Variants in ICE1 observed in about 807,000 individuals in gnomAD.
The protein encoded by ICE1 is little elongation complex subunit 1.
ICE1 carries 64 observed loss-of-function variants against 192.7 expected under a neutral mutation model. That is an observed-to-expected ratio of 0.33 (90% confidence interval 0.27 to 0.41). ICE1 has a LOEUF of 0.41. ICE1 is among the 10% of genes least tolerant of loss of function. The probability of loss-of-function intolerance (pLI) is 1.00; values close to 1 mark genes in which losing one functional copy is unlikely to be tolerated. For synonymous variants in ICE1, 1,010 were observed against 984.5 expected (o/e 1.03, Z -0.49); for missense variants, 2,708 against 2,696.0 (o/e 1.00, Z -0.10).
At chr5:5,441,839 T>C (rs1487471574) in intron 5 of ICE1, among the ~76,000 whole-genome samples, 2 of 152,256 alleles carry the variant, frequency 1.3e-5, no homozygotes, top group East Asian at 3.8e-4. Flanking sequence ...ATTTCTTTTT[T>C]TGGCAGTCAT....
chr5:5,481,891 A>G (rs1011615292), intron 17 of ICE1, among the ~76,000 whole-genome samples: 11 of 152,316 alleles, frequency 7.2e-5, no homozygotes, highest in African/African-American at 2.6e-4. Context: ...CTAGGTGTGT[A>G]GTGGCTACTG....
chr5:5,478,125 G>A (rs972440529), intron 17 of ICE1, among the ~76,000 whole-genome samples: 3 of 152,218 alleles, frequency 2.0e-5, no homozygotes, highest in African/African-American at 7.2e-5. Flanking sequence ...TTCTGGCCAG[G>A]CCAATCAGGC....
chr5:5,423,819 G>T (rs1008302250), intron 1 of ICE1, among the ~76,000 whole-genome samples: 1 of 152,156 alleles, frequency 6.6e-6, no homozygotes, highest in Admixed American at 6.5e-5. Context: ...ACTCTGCCTA[G>T]TGTTCTAGGA....
intron 1 of ICE1, among the ~76,000 whole-genome samples, chr5:5,432,531 C>T (rs903758832): frequency 4.6e-5 from 7 of 152,048 alleles, no homozygotes; most frequent in African/African-American, 1.4e-4. Flanking sequence ...TCAGTTCATA[C>T]CTAGGAATGG....
chr5:5,458,973 C>T (rs989329693), intron 12 of ICE1, among the ~76,000 whole-genome samples: 2 of 152,080 alleles, frequency 1.3e-5, no homozygotes, highest in African/African-American at 2.4e-5. Context: ...CCTGGGTTCA[C>T]GCCATTCTCC....
chr5:5,488,607 A>G, intron 18 of ICE1, among the ~76,000 whole-genome samples: 1 of 151,712 alleles, frequency 6.6e-6, no homozygotes, highest in Non-Finnish European at 1.5e-5. Flanking sequence ...AACTGTGATA[A>G]TACACTGTAA....
chr5:5,457,235 T>G, intron 11 of ICE1, 97 bp from the exon 12 acceptor site: 1 of 1,203,862 alleles, frequency 8.3e-7, no homozygotes, highest in East Asian at 2.6e-5. Flanking sequence ...TTTCAAGCAT[T>G]TTGAACTGTT....
At chr5:5,427,283 G>T (rs1561070437) in intron 1 of ICE1, among the ~76,000 whole-genome samples, 1 of 152,132 alleles carries the variant, frequency 6.6e-6, no homozygotes, top group Non-Finnish European at 1.5e-5. Context: ...CAAAGTTCTG[G>T]GTTGCAGAAC....
chr5:5,430,428 A>G (rs1737670195), intron 1 of ICE1, among the ~76,000 whole-genome samples: 1 of 152,250 alleles, frequency 6.6e-6, no homozygotes, highest in Non-Finnish European at 1.5e-5. Flanking sequence ...ATGCTATCGG[A>G]TAACTGAGAA....
chr5:5,428,689 A>G (rs1470510697), intron 1 of ICE1, among the ~76,000 whole-genome samples: 1 of 152,118 alleles, frequency 6.6e-6, no homozygotes, highest in Non-Finnish European at 1.5e-5. Context: ...CAGGATAGTA[A>G]CATTGGTGCA....
At chr5:5,433,240 T>C (rs951581678) in intron 1 of ICE1, among the ~76,000 whole-genome samples, 4 of 152,156 alleles carry the variant, frequency 2.6e-5, no homozygotes, top group Admixed American at 1.3e-4. Flanking sequence ...AAAGCAAACC[T>C]CTTTCTGCTG....
intron 15 of ICE1, among the ~76,000 whole-genome samples, chr5:5,469,260 A>C (rs528041846): frequency 6.6e-6 from 1 of 152,226 alleles, no homozygotes; most frequent in Admixed American, 6.5e-5. Context: ...GCATAGGTGT[A>C]TATGTTTAAA....
chr5:5,435,292 C>A (rs987245240), intron 1 of ICE1, among the ~76,000 whole-genome samples: 1 of 151,854 alleles, frequency 6.6e-6, no homozygotes, highest in Non-Finnish European at 1.5e-5. Flanking sequence ...GATGTTTTAA[C>A]AGATATGTAA....
chr5:5,441,131 C>T lies in ICE1; in HGVS notation c.217C>T (p.His73Tyr). ...CTTTAGAGAGAATAGTAATCTGCATCACCAAGTGGAAGAGATGCTTCAAAA... is the reference window on the plus strand; with the variant it reads ...CTTTAGAGAGAATAGTAATCTGCATTACCAAGTGGAAGAGATGCTTCAAAA... ...FARRENSNLH[H>Y]QVEEMLQKIS... Residue 73 changes from histidine (H) to tyrosine (Y), a missense_variant, in exon 5 of 19, where the codon CAC becomes TAC. By Grantham distance (83) the His-to-Tyr change is moderately conservative (BLOSUM62 2). Around this residue, in one of 2 missense-constraint regions of ICE1, gnomAD observed 2,366 missense variants for 2,276.6 expected, o/e 1.04. Coordinates refer to ENST00000296564, the MANE Select transcript of ICE1 (RefSeq NM_015325.3). The T allele has an allele frequency of 6.4e-7, 1 of 1,553,610 alleles. No individual in the cohort carries two copies. Among genetic ancestry groups the T allele is most frequent in the African/African-American group, 1.4e-5 (1 of 73,490 alleles).
Position 5,486,706 on chromosome 5 carries a change from G to T in ICE1, c.6521-15G>T. The T allele has an allele frequency of 1.3e-6, 2 of 1,564,916 alleles. No homozygotes were observed. The highest frequency in any genetic ancestry group is 1.2e-5 in the South Asian group (1 of 86,046). ...ATTTAACTGGACTGTTTACATTTTG[G>T]TTTGTTTCCCCTAGGTCGTTTAGGC... On this transcript the variant is annotated splice_polypyrimidine_tract_variant and intron_variant, in intron 17 of 18. Coordinates refer to ENST00000296564, the MANE Select transcript of ICE1 (RefSeq NM_015325.3).
chr5:5,435,743 C>T (rs1472988616), intron 1 of ICE1, among the ~76,000 whole-genome samples: 5 of 143,382 alleles, frequency 3.5e-5, no homozygotes, highest in African/African-American at 7.9e-5. Context: ...GATCTCGGCT[C>T]ACTGCAACCT....
Position 5,468,977 on chromosome 5 carries a change from A to T in ICE1, c.6211A>T (p.Asn2071Tyr). The T allele has an allele frequency of 6.6e-7, 1 of 1,509,002 alleles. No homozygotes were observed. Among genetic ancestry groups the T allele is most frequent in the Non-Finnish European group, 8.8e-7 (1 of 1,132,068 alleles). 93.5% of individuals were successfully genotyped at this position (1,509,002 alleles called of 1,614,324 possible). A position where few individuals can be genotyped will look rare whatever the true frequency, so the allele number is the denominator to read the frequency against. The part of the protein sequence containing the change: ...EVLNCLRAFL[N>Y]WEKNAPVDVG... The stretch of plus-strand genomic sequence containing the variant: ...TCTGAACTGCTTGAGAGCTTTTCTT[A>T]ATTGGGAAAAGGTGAGCCATATTTC... Residue 2071 changes from asparagine to tyrosine, a missense_variant, in exon 15 of 19, where the codon AAT becomes TAT. Asn to Tyr is a moderately radical substitution (Grantham distance 143, BLOSUM62 -2). Around this residue, in one of 2 missense-constraint regions of ICE1, gnomAD observed 342 missense variants for 419.3 expected, o/e 0.82. Transcript: ENST00000296564.
rs567271201 is a variant in ICE1, at chr5:5,466,591, TG to T, written c.6061+90del. The T allele has an allele frequency of 5.3e-5, 57 of 1,069,454 alleles. No homozygotes were observed. The African/African-American group carries it at 8.0e-4, about 15-fold the overall frequency. 66.2% of individuals were successfully genotyped at this position (1,069,454 alleles called of 1,614,324 possible). A position where few individuals can be genotyped will look rare whatever the true frequency, so the allele number is the denominator to read the frequency against. ...AGTCTATATTTTCAGCTCTGATTAC[TG>T]TGTGTCTTTTAAAATAATGTTATGT... is the stretch of plus-strand genomic sequence containing the variant. On this transcript the variant is annotated intron_variant, in intron 14 of 18. Transcript: ENST00000296564.
Position 5,462,033 on chromosome 5 carries a change from C to G in ICE1, c.2699C>G (p.Thr900Ser). 6.2e-7 allele frequency: 1 copy of G among 1,613,960 alleles called. No homozygotes were observed. The highest frequency in any genetic ancestry group is 2.2e-5 in the East Asian group (1 of 44,882). ...ENSGNKTGMS[T>S]VAKCDGERDD... The stretch of plus-strand genomic sequence containing the variant: ...AGTGGCAACAAAACCGGTATGTCAA[C>G]TGTAGCAAAATGTGATGGGGAAAGA... Residue 900 changes from threonine to serine, a missense_variant, in exon 13 of 19, where the codon ACT becomes AGT. Thr to Ser is a moderately conservative substitution (Grantham distance 58). Transcript: ENST00000296564.
Sources: allele counts gnomAD v4.1 joint callset (sites outside exome capture counted in the v4.1 genomes callset), GRCh38; gene constraint gnomAD v4.1.1; regional missense constraint gnomAD v4.1.1; transcripts MANE v1.5; gene names NCBI Gene and HGNC (gene_info 2026-07-23, HGNC 2026-07-21).